CDH12: variants seen among roughly 807,000 people sequenced by gnomAD.
CDH12 encodes cadherin 12, also known as cadherin-12.
A neutral mutation model predicts 74.1 loss-of-function variants in CDH12; 41 were observed. The ratio of observed to expected loss-of-function variants is 0.55; its 90% CI spans 0.43 to 0.72. The LOEUF (loss-of-function observed/expected upper bound fraction) is 0.72. Ranked by LOEUF, CDH12 falls within the 30% of genes least tolerant of loss-of-function variation. The probability of loss-of-function intolerance (pLI) is 0.00; values close to 1 mark genes in which losing one functional copy is unlikely to be tolerated. For missense variants in CDH12, 945 were observed against 977.2 expected (o/e 0.97, Z 0.44); for synonymous variants, 399 against 355.0 (o/e 1.12, Z -1.39).
Position 22,755,628 on chromosome 5 carries a change from AT to A in CDH12, c.-523+97429del, listed in dbSNP as rs201329024. On this transcript the variant is annotated intron_variant, in intron 1 of 14. Coordinates refer to ENST00000382254, the MANE Select transcript of CDH12 (RefSeq NM_004061.5). Reference sequence around the variant, plus strand: ...CAATTGCTTTTGTTAGAAAAAAACGATTTACTTAAGGACAATGTTGACATCT... The same window carrying A: ...CAATTGCTTTTGTTAGAAAAAAACGATTACTTAAGGACAATGTTGACATCT... Among the ~76,000 whole-genome samples, 934 of 152,232 alleles carry A rather than the reference AT, an allele frequency of 6.1e-3. 10 individuals carry two copies. The highest frequency in any genetic ancestry group is 0.021 in the African/African-American group (892 of 41,564).
At chr5:21,881,162 T>A (rs1752336462) in intron 6 of CDH12, among the ~76,000 whole-genome samples, 2 of 152,132 alleles carry the variant, frequency 1.3e-5, no homozygotes, top group Admixed American at 1.3e-4. Flanking sequence ...TGAAATGTAG[T>A]ATTCTAAAAA....
chr5:22,034,880 A>C (rs1211224259), intron 5 of CDH12, among the ~76,000 whole-genome samples: 1 of 152,214 alleles, frequency 6.6e-6, no homozygotes, highest in Non-Finnish European at 1.5e-5. Flanking sequence ...GATGTCCTGA[A>C]TAAGCAAACA....
chr5:22,613,365 T>C (rs1457095133), intron 1 of CDH12, among the ~76,000 whole-genome samples: 2 of 152,126 alleles, frequency 1.3e-5, no homozygotes, highest in Non-Finnish European at 2.9e-5. Flanking sequence ...TCTTATGATA[T>C]GTACAGAAAT....
chr5:22,775,305 G>T (rs1421102540), intron 1 of CDH12, among the ~76,000 whole-genome samples: 1 of 151,912 alleles, frequency 6.6e-6, no homozygotes, highest in Non-Finnish European at 1.5e-5. Flanking sequence ...CTAGATTTGT[G>T]TCATTTCTGA....
At chr5:21,884,322 T>G in intron 6 of CDH12, 1 of 1,185,762 alleles carries the variant, frequency 8.4e-7, no homozygotes, top group East Asian at 2.3e-5. Flanking sequence ...ACTCCTAGAC[T>G]AGTGCTTTAC....
At chr5:22,333,457 G>T (rs1367584246) in intron 3 of CDH12, among the ~76,000 whole-genome samples, 1 of 152,038 alleles carries the variant, frequency 6.6e-6, no homozygotes, top group Non-Finnish European at 1.5e-5. Context: ...CATTCTGCAT[G>T]TGTATCCTGG....
chr5:22,802,341 C>A (rs1748577428), intron 1 of CDH12, among the ~76,000 whole-genome samples: 1 of 152,016 alleles, frequency 6.6e-6, no homozygotes, highest in South Asian at 2.1e-4. Context: ...AGGATGGTCT[C>A]CATCTCCTGA....
chr5:22,715,955 G>A (rs1438114120), intron 1 of CDH12, among the ~76,000 whole-genome samples: 6 of 151,984 alleles, frequency 3.9e-5, no homozygotes, highest in African/African-American at 1.5e-4. Flanking sequence ...TGGCCCACAT[G>A]GTGAAACTCC....
chr5:22,357,834 C>T (rs1740628608), intron 3 of CDH12, among the ~76,000 whole-genome samples: 1 of 151,952 alleles, frequency 6.6e-6, no homozygotes, highest in Non-Finnish European at 1.5e-5. Context: ...GACAGAATGG[C>T]TAGAAGATAA....
At chr5:22,199,361 G>A (rs1750795037) in intron 4 of CDH12, among the ~76,000 whole-genome samples, 1 of 152,194 alleles carries the variant, frequency 6.6e-6, no homozygotes, top group African/African-American at 2.4e-5. Context: ...GACCAGGAGA[G>A]GCGTGAGGGT....
intron 2 of CDH12, among the ~76,000 whole-genome samples, chr5:22,444,730 C>T (rs181084937): frequency 1.3e-5 from 2 of 152,028 alleles, no homozygotes; most frequent in East Asian, 3.9e-4. Flanking sequence ...AAACACATTA[C>T]TGAAAATAAA....
At chr5:22,114,768 A>G (rs1028548068) in intron 4 of CDH12, among the ~76,000 whole-genome samples, 11 of 152,178 alleles carry the variant, frequency 7.2e-5, no homozygotes, top group African/African-American at 2.4e-4. Flanking sequence ...TTCTTCCTTC[A>G]CATTGATGTG....
chr5:21,797,335 G>A (rs147390907), intron 10 of CDH12, among the ~76,000 whole-genome samples: 2 of 152,168 alleles, frequency 1.3e-5, no homozygotes, highest in Non-Finnish European at 2.9e-5. Flanking sequence ...TAACCATGTC[G>A]AGTAATTTTA....
intron 3 of CDH12, among the ~76,000 whole-genome samples, chr5:22,283,688 C>A (rs953982870): frequency 6.6e-6 from 1 of 151,854 alleles, no homozygotes; most frequent in South Asian, 2.1e-4. Flanking sequence ...ATCCAGAGAT[C>A]TATTGTATAG....
chr5:21,833,356 ATT>A (rs1491227977), intron 8 of CDH12, among the ~76,000 whole-genome samples: 1 of 64,474 alleles, frequency 1.6e-5, no homozygotes, highest in East Asian at 4.2e-4. Context: ...TATAATATAT[ATT>A]ATATATTATA....
intron 6 of CDH12, among the ~76,000 whole-genome samples, chr5:21,934,128 TCA>T (rs367663462): frequency 2.0e-4 from 30 of 150,674 alleles, no homozygotes; most frequent in Admixed American, 4.0e-4. Context: ...ACACACACAC[TCA>T]CACACACACA....
At chr5:22,538,150 A>G (rs554437639) in intron 1 of CDH12, among the ~76,000 whole-genome samples, 1 of 152,228 alleles carries the variant, frequency 6.6e-6, no homozygotes, top group East Asian at 1.9e-4. Flanking sequence ...AGTGCATTCC[A>G]TACCATTTGT....
intron 3 of CDH12, among the ~76,000 whole-genome samples, chr5:22,353,809 CT>C (rs1740453652): frequency 6.6e-6 from 1 of 152,108 alleles, no homozygotes. Context: ...ATCAACCTCT[CT>C]TAGTGATGTG....
intron 3 of CDH12, among the ~76,000 whole-genome samples, chr5:22,257,360 T>G (rs1753354953): frequency 6.6e-6 from 1 of 152,132 alleles, no homozygotes; most frequent in East Asian, 1.9e-4. Flanking sequence ...TTAAAAAAAT[T>G]AAAAATCGAG....
Sources: allele counts gnomAD v4.1 joint callset (sites outside exome capture counted in the v4.1 genomes callset), GRCh38; gene constraint gnomAD v4.1.1; transcripts MANE v1.5; gene names NCBI Gene and HGNC (gene_info 2026-07-23, HGNC 2026-07-21).